The following ARHGAP17 variants were observed in gnomAD, a reference collection of about 807,000 sequenced individuals.
ARHGAP17 encodes rho GTPase-activating protein 17.
In ARHGAP17, 57 loss-of-function variants were observed where a neutral mutation model predicts 99.5. The ratio of observed to expected loss-of-function variants is 0.57; its 90% CI spans 0.46 to 0.71. The LOEUF (loss-of-function observed/expected upper bound fraction) is 0.71. ARHGAP17 is among the 30% of genes least tolerant of loss of function. ARHGAP17 has a pLI of 0.00. For synonymous variants in ARHGAP17, 417 were observed against 429.6 expected, an observed-to-expected ratio of 0.97 and a Z score of 0.36; for missense variants, 1,000 against 1,122.4, an observed-to-expected ratio of 0.89 and a Z score of 1.56.
chr16:24,972,979 G>A (rs1460058897), intron 3 of ARHGAP17, among the ~76,000 whole-genome samples: 1 of 151,568 alleles, frequency 6.6e-6, no homozygotes, highest in African/African-American at 2.4e-5. Flanking sequence ...CTGTTGCCCA[G>A]GCTGGAGGTC....
At chr16:24,990,916 C>T (rs1203765673) in intron 1 of ARHGAP17, among the ~76,000 whole-genome samples, 2 of 152,044 alleles carry the variant, frequency 1.3e-5, no homozygotes, top group South Asian at 4.2e-4. Context: ...AGCCATAATG[C>T]ACTGCAGCAC....
At chr16:24,985,290 C>A (rs1216779453) in intron 1 of ARHGAP17, among the ~76,000 whole-genome samples, 1 of 152,238 alleles carries the variant, frequency 6.6e-6, no homozygotes, top group Non-Finnish European at 1.5e-5. Flanking sequence ...TCACCACAAA[C>A]TCAGTGGCTT....
chr16:25,008,272 T>G (rs1484267379), intron 1 of ARHGAP17, among the ~76,000 whole-genome samples: 1 of 152,234 alleles, frequency 6.6e-6, no homozygotes. Context: ...TTCATGCATA[T>G]CCATTCAGTG....
At chr16:24,988,230 A>T (rs933585657) in intron 1 of ARHGAP17, among the ~76,000 whole-genome samples, 1 of 152,228 alleles carries the variant, frequency 6.6e-6, no homozygotes, top group Non-Finnish European at 1.5e-5. Context: ...TTGGATTTTT[A>T]AAATAAACGA....
chr16:24,965,307 A>G lies in ARHGAP17; in HGVS notation c.462-999T>C, dbSNP rs950571092. Among the ~76,000 whole-genome samples the G allele has an allele frequency of 2.6e-5, 4 of 152,098 alleles. No individual in the cohort carries two copies. In the East Asian group the frequency reaches 5.8e-4, roughly 22 times the overall value. ...AACACGGTGAAACCCCATCTCTACTAAAAATACAAAACATTAGCTGGGCGT... is the reference window on the plus strand; with the variant it reads ...AACACGGTGAAACCCCATCTCTACTGAAAATACAAAACATTAGCTGGGCGT... On this transcript the variant is annotated intron_variant, in intron 6 of 19. Coordinates refer to ENST00000289968, the MANE Select transcript of ARHGAP17 (RefSeq NM_001006634.3).
chr16:24,996,538 A>G (rs1335916506), intron 1 of ARHGAP17, among the ~76,000 whole-genome samples: 1 of 152,132 alleles, frequency 6.6e-6, no homozygotes, highest in African/African-American at 2.4e-5. Context: ...CGGAAAGCAG[A>G]ACAGAAAAAC....
Position 24,967,571 on chromosome 16 carries a change from G to C in ARHGAP17, c.461+780C>G, listed in dbSNP as rs147125909. ...TCATGGCTGTAATCCCAGCGCTTTG[G>C]GAGGCCAAGGTGGGAGGATCACTTG... On this transcript the variant is annotated intron_variant, in intron 6 of 19. Transcript: ENST00000289968. 8.4e-3 allele frequency among the ~76,000 whole-genome samples: 1,283 copies of C among 152,172 alleles called. 27 individuals are homozygous for C. The highest frequency in any genetic ancestry group is 0.01 in the Non-Finnish European group (696 of 67,990).
chr16:24,927,628 A>G (rs919514057), intron 19 of ARHGAP17: 3 of 998,200 alleles, frequency 3.0e-6, no homozygotes, highest in Non-Finnish European at 3.9e-6. Context: ...ATGAGTGCAC[A>G]AATATGATCA....
At chr16:24,991,554 C>G (rs1003418894) in intron 1 of ARHGAP17, among the ~76,000 whole-genome samples, 1 of 152,286 alleles carries the variant, frequency 6.6e-6, no homozygotes, top group South Asian at 2.1e-4. Context: ...GTTGTGACAA[C>G]ACCGTGTGGG....
intron 1 of ARHGAP17, among the ~76,000 whole-genome samples, chr16:24,990,525 G>A (rs568244530): frequency 8.3e-4 from 126 of 152,100 alleles, no homozygotes; most frequent in Non-Finnish European, 1.5e-3. Context: ...GGGCATGGTG[G>A]TGAGCACTTG....
chr16:24,982,976 A>ATATATATATATATATATATT (rs2052722357), intron 1 of ARHGAP17, among the ~76,000 whole-genome samples: 7 of 20,238 alleles, frequency 3.5e-4, no homozygotes, highest in African/African-American at 1.2e-3. Context: ...ATATATATAT[A>ATATATATATATATATATATT]TATATATATA....
intron 14 of ARHGAP17, among the ~76,000 whole-genome samples, chr16:24,944,323 G>A (rs186845861): frequency 9.9e-5 from 15 of 151,580 alleles, no homozygotes; most frequent in African/African-American, 2.4e-4. Flanking sequence ...GAATGTGGCC[G>A]TGATCACCCA....
intron 19 of ARHGAP17, among the ~76,000 whole-genome samples, chr16:24,925,369 ACT>A (rs2050813345): frequency 6.6e-6 from 1 of 152,196 alleles, no homozygotes; most frequent in African/African-American, 2.4e-5. Context: ...ACAGAGCAAG[ACT>A]CTGTCTCAAA....
chr16:25,014,965 G>A (rs1223408780), intron 1 of ARHGAP17, among the ~76,000 whole-genome samples: 2 of 152,126 alleles, frequency 1.3e-5, no homozygotes, highest in Non-Finnish European at 2.9e-5. Context: ...TGTGGCGGAG[G>A]AGGCGGCGGC....
At chr16:24,960,356 C>A (rs2880948) in intron 7 of ARHGAP17, among the ~76,000 whole-genome samples, 1 of 152,236 alleles carries the variant, frequency 6.6e-6, no homozygotes, top group African/African-American at 2.4e-5. Context: ...ACCAGCCTGG[C>A]CAACATGGTG....
intron 18 of ARHGAP17, among the ~76,000 whole-genome samples, chr16:24,932,775 A>G (rs573861901): frequency 6.6e-6 from 1 of 152,094 alleles, no homozygotes; most frequent in Admixed American, 6.6e-5. Context: ...GGAAAACAAC[A>G]GATCTGGGGC....
chr16:24,982,657 A>G (rs2052707715), intron 1 of ARHGAP17, among the ~76,000 whole-genome samples: 1 of 151,966 alleles, frequency 6.6e-6, no homozygotes, highest in South Asian at 2.1e-4. Flanking sequence ...CATCACTGTG[A>G]CTGGTCCAAG....
intron 3 of ARHGAP17, 111 bp from the exon 4 acceptor site, chr16:24,970,691 A>G (rs2052336871): frequency 1.1e-6 from 1 of 945,642 alleles, no homozygotes; most frequent in Admixed American, 1.9e-5. Context: ...TTACACAGGT[A>G]GGAGACAGCC....
In ARHGAP17 at chr16:24,978,993, T is replaced by C. The variant is rs779712089; in HGVS notation, c.66A>G (p.Thr22=). The part of the protein sequence containing the change: ...ANQTVGRAEK[T]EVLSEDLLQI... ...GTAATAGATCTTCACTAAGGACTTC[T>C]GTTTTCTCAGCTCTGTGGGAAAAAT... Residue 22 remains threonine (T), a synonymous_variant, in exon 2 of 20, where the codon ACA becomes ACG. Coordinates refer to ENST00000289968, the MANE Select transcript of ARHGAP17 (RefSeq NM_001006634.3). The C allele has an allele frequency of 1.3e-6, 2 of 1,592,428 alleles. No homozygotes were observed. Among genetic ancestry groups the C allele is most frequent in the South Asian group, 1.2e-5 (1 of 86,516 alleles).
Sources: gnomAD v4.1 joint callset for allele counts (sites outside exome capture counted in the v4.1 genomes callset) on GRCh38, gnomAD v4.1.1 for gene constraint, MANE v1.5 for transcripts, NCBI Gene and HGNC (gene_info 2026-07-23, HGNC 2026-07-21) for gene names.